ZFHX3: variants seen among roughly 807,000 people sequenced by gnomAD.
ZFHX3 encodes zinc finger homeobox protein 3.
ZFHX3 carries 42 observed loss-of-function variants against 279.1 expected under a neutral mutation model. That is an observed-to-expected ratio of 0.15 (90% CI 0.12 to 0.19). ZFHX3 has a LOEUF of 0.19. ZFHX3 is among the 10% of genes least tolerant of loss of function. The pLI is 1.00. For missense variants in ZFHX3, 4,981 were observed against 4,754.0 expected (o/e 1.05, Z -1.40); for synonymous variants, 2,293 against 1,957.8 (o/e 1.17, Z -4.52).
At chr16:73,358,042 C>T (rs556172206) in intron 3 of ZFHX3, among the ~76,000 whole-genome samples, 1 of 152,322 alleles carries the variant, frequency 6.6e-6, no homozygotes, top group South Asian at 2.1e-4. Flanking sequence ...GGCCTCCCAC[C>T]ATTTCCTCCC....
intron 4 of ZFHX3, among the ~76,000 whole-genome samples, chr16:73,313,206 C>G (rs940605602): frequency 1.3e-5 from 2 of 152,208 alleles, no homozygotes; most frequent in African/African-American, 4.8e-5. Context: ...TCACCTTCCA[C>G]CATGACTGTA....
chr16:73,395,358 G>C (rs1191501025), intron 3 of ZFHX3, among the ~76,000 whole-genome samples: 6 of 152,074 alleles, frequency 3.9e-5, no homozygotes, highest in Non-Finnish European at 1.5e-5. Context: ...CAGCTACTCA[G>C]GAGGCTGAGG....
At chr16:73,640,522 C>T (rs2052564332) in intron 2 of ZFHX3, among the ~76,000 whole-genome samples, 2 of 152,130 alleles carry the variant, frequency 1.3e-5, no homozygotes, top group African/African-American at 4.8e-5. Context: ...GAGGACATTG[C>T]CTCTAGAAAA....
At chr16:73,873,592 C>A (rs2029876534) in intron 1 of ZFHX3, among the ~76,000 whole-genome samples, 1 of 152,152 alleles carries the variant, frequency 6.6e-6, no homozygotes, top group Non-Finnish European at 1.5e-5. Context: ...AACATATTTA[C>A]CTTTAACATT....
chr16:73,433,889 G>A (rs1041281006), intron 3 of ZFHX3, among the ~76,000 whole-genome samples: 10 of 152,224 alleles, frequency 6.6e-5, no homozygotes, highest in African/African-American at 2.2e-4. Flanking sequence ...GAGAGGACGA[G>A]GCTGCACTGG....
rs111288031 is a variant in ZFHX3 at position 72,794,860 on chromosome 16, T to A, written c.7822A>T (p.Thr2608Ser). 2.6e-5 allele frequency: 42 copies of A among 1,613,160 alleles called. 1 individual carries two copies. In the South Asian group the frequency reaches 4.5e-4, roughly 17 times the overall value. The change falls in exon 9 of 10, where the codon ACC becomes TCC. Residue 2608 changes from threonine to serine, a missense_variant. By Grantham distance (58) the Thr-to-Ser change is moderately conservative. Transcript: ENST00000268489. This position sits in a 1 kb window ranked among gnomAD's most constrained non-coding sequence, Gnocchi z 4.2. ...ASSATSPSTP[T>S]STMNTLKRKL... ...CTCTTGAGAGTGTTCATTGTGGAGG[T>A]TGGAGTTGAAGGAGAAGTGGCTGAG...
At chr16:73,356,037 C>T (rs780097816) in intron 3 of ZFHX3, among the ~76,000 whole-genome samples, 13 of 152,204 alleles carry the variant, frequency 8.5e-5, no homozygotes, top group Non-Finnish European at 1.5e-4. Context: ...GCTTAGAATT[C>T]ATCCCAGAGA....
chr16:73,170,281 A>G (rs913813703), intron 5 of ZFHX3, among the ~76,000 whole-genome samples: 14 of 109,940 alleles, frequency 1.3e-4, no homozygotes, highest in Non-Finnish European at 1.8e-4. Flanking sequence ...CCCACGTTGG[A>G]GTGCAGTGCC....
intron 2 of ZFHX3, chr16:73,558,328 G>A (rs1007048441): frequency 5.3e-5 from 8 of 152,174 alleles, no homozygotes; most frequent in Admixed American, 1.3e-4. Context: ...CTATAAATGA[G>A]GACAACTTTG....
intron 1 of ZFHX3, among the ~76,000 whole-genome samples, chr16:73,753,060 G>A (rs1194869876): frequency 1.3e-5 from 2 of 152,122 alleles, no homozygotes; most frequent in East Asian, 3.9e-4. Flanking sequence ...TGATCTTGCT[G>A]CTTAAAATGA....
intron 5 of ZFHX3, among the ~76,000 whole-genome samples, chr16:73,201,332 A>G (rs1968264703): frequency 6.6e-6 from 1 of 152,234 alleles, no homozygotes; most frequent in African/African-American, 2.4e-5. Flanking sequence ...TGGGGAGAGT[A>G]GGGGAGTCAG....
rs145911070 is a variant in ZFHX3, at chr16:73,734,469, A to G, written c.-1607-54229T>C. ...TTATCTCATAAATTTTGTATCACAA[A>G]GAGTTTCCCTGAATGACAGCAATAA... On this transcript the variant is annotated intron_variant, in intron 1 of 17. Transcript: ENST00000641206. 3.1e-3 allele frequency among the ~76,000 whole-genome samples: 474 copies of G among 152,340 alleles called. 4 individuals are homozygous for G. Among genetic ancestry groups the G allele is most frequent in the African/African-American group, 0.011 (443 of 41,586 alleles).
At chr16:73,716,643 A>G (rs202192126) in intron 1 of ZFHX3, among the ~76,000 whole-genome samples, 2 of 138,992 alleles carry the variant, frequency 1.4e-5, no homozygotes, top group South Asian at 4.5e-4. Context: ...ACACACACAC[A>G]CACACACGCA....
intron 3 of ZFHX3, among the ~76,000 whole-genome samples, chr16:72,901,303 T>A (rs2039029378): frequency 6.6e-6 from 1 of 152,162 alleles, no homozygotes; most frequent in Admixed American, 6.5e-5. Flanking sequence ...TCTTTAAAAC[T>A]CCTCCCATGC....
chr16:72,889,645 T>G (rs2038720792), intron 4 of ZFHX3, 86 bp downstream of exon 4: 1 of 1,287,976 alleles, frequency 7.8e-7, no homozygotes, highest in Admixed American at 2.2e-5. Context: ...CAGTAACGTC[T>G]CCCTCAAACA....
chr16:73,216,450 G>A (rs1171727231), intron 5 of ZFHX3, among the ~76,000 whole-genome samples: 2 of 152,186 alleles, frequency 1.3e-5, no homozygotes, highest in Non-Finnish European at 2.9e-5. Flanking sequence ...TTGTCAAACT[G>A]GATATCGCTA....
chr16:73,241,040 GAAAGA>G (rs1229876788), intron 5 of ZFHX3, among the ~76,000 whole-genome samples: 1 of 152,168 alleles, frequency 6.6e-6, no homozygotes, highest in Non-Finnish European at 1.5e-5. Flanking sequence ...TTTTCTCAAA[GAAAGA>G]AAACTGGTTT....
intron 1 of ZFHX3, among the ~76,000 whole-genome samples, chr16:73,822,314 G>T (rs548445523): frequency 1.2e-4 from 18 of 152,262 alleles, no homozygotes; most frequent in African/African-American, 3.6e-4. Flanking sequence ...CCCAGGAAAG[G>T]CACGATAGTT....
intron 1 of ZFHX3, among the ~76,000 whole-genome samples, chr16:73,771,598 T>C (rs926500014): frequency 6.6e-6 from 1 of 152,152 alleles, no homozygotes; most frequent in Non-Finnish European, 1.5e-5. Context: ...AGATTCTGGC[T>C]CTATCAGACC....
Sources: allele counts gnomAD v4.1 joint callset (sites outside exome capture counted in the v4.1 genomes callset), GRCh38; gene constraint gnomAD v4.1.1; non-coding constraint Gnocchi (gnomAD v3.1); transcripts MANE v1.5; gene names NCBI Gene and HGNC (gene_info 2026-07-23, HGNC 2026-07-21).